Variants in RYR1 observed in about 807,000 individuals in gnomAD.
RYR1 encodes the protein central core disease of muscle.
Under a neutral mutation model 583.5 loss-of-function variants are expected in RYR1, and 342 were observed. The ratio of observed to expected loss-of-function variants is 0.59; its 90% CI spans 0.54 to 0.64. The LOEUF (loss-of-function observed/expected upper bound fraction) is 0.64, where lower values mean the gene tolerates loss of function less well. RYR1 is among the 30% of genes least tolerant of loss of function. RYR1 has a pLI of 0.00. For synonymous variants in RYR1, 2,791 were observed against 2,822.5 expected (o/e 0.99, Z 0.35); for missense variants, 6,032 against 6,917.2 (o/e 0.87, Z 4.54).
rs200766617 is a variant in RYR1 at position 38,575,957 on chromosome 19, G to T, written c.14168G>T (p.Arg4723Leu). Residue 4723 changes from arginine to leucine, a missense_variant, in exon 97 of 106, where the codon CGC becomes CTC. Physicochemically the swap from Arg to Leu is moderately radical, Grantham distance 102. Coordinates refer to ENST00000359596, the MANE Select transcript of RYR1 (RefSeq NM_000540.3). The stretch of plus-strand genomic sequence containing the variant: ...AACTACTGGGACAAGTTTGTCAAGC[G>T]CAAGGTGAGAGGACATGGATGCCCT... ...PSNYWDKFVK[R>L]KVLDKHGDIY... 6.2e-7 allele frequency: 1 copy of T among 1,614,172 alleles called. No homozygotes were observed. The highest frequency in any genetic ancestry group is 8.5e-7 in the Non-Finnish European group (1 of 1,180,032).
At chr19:38,511,989 A>G (rs752322669) in intron 61 of RYR1, 83 bp from the exon 62 acceptor site, 4 of 1,475,136 alleles carry the variant, frequency 2.7e-6, no homozygotes, top group East Asian at 2.4e-5. Context: ...TCAGGAAGAG[A>G]GCGGTTGGGG....
At chr19:38,457,439 T>C in intron 16 of RYR1, 58 bp from the exon 17 acceptor site, 1 of 1,613,738 alleles carries the variant, frequency 6.2e-7, no homozygotes, top group Middle Eastern at 1.7e-4. Context: ...CCCAGGGTTC[T>C]TCTGTAGATC....
rs146407332 is a variant in RYR1, at chr19:38,583,056, G to A, written c.14647-1887G>A. Among the ~76,000 whole-genome samples, 417 of 152,242 alleles carry A rather than the reference G, an allele frequency of 2.7e-3. 4 individuals carry two copies. The highest frequency in any genetic ancestry group is 0.01 in the Middle Eastern group (3 of 294). The stretch of plus-strand genomic sequence containing the variant: ...TCACGCTTTTAATCCCAGCATTTTG[G>A]GAGGCCAAGGCAGGTGGATCATCTG... On this transcript the variant is annotated intron_variant, in intron 101 of 105. Transcript: ENST00000359596.
intron 31 of RYR1, 70 bp downstream of exon 31, chr19:38,478,670 T>C: frequency 1.3e-6 from 2 of 1,565,224 alleles, no homozygotes; most frequent in African/African-American, 1.3e-5. Flanking sequence ...CTTATAGATG[T>C]CCCCTGAGGC....
rs571423946 is a variant in RYR1 at position 38,459,223 on chromosome 19, C to G, written c.2245C>G (p.Leu749Val). The G allele has an allele frequency of 2.5e-5, 40 of 1,614,172 alleles. No individual in the cohort carries two copies. The East Asian group carries it at 8.2e-4, about 33-fold the overall frequency. The change falls in exon 19 of 106, where the codon CTC becomes GTC. Residue 749 changes from leucine (L) to valine (V), a missense_variant. Transcript: ENST00000359596. ...PEDVISCCLD[L>V]SVPSISFRIN... is the part of the protein sequence containing the mutation. ...AGACGTGATCAGCTGCTGCCTGGACCTCAGCGTGCCGTCCATCTCCTTCCG... is the reference window on the plus strand; with the variant it reads ...AGACGTGATCAGCTGCTGCCTGGACGTCAGCGTGCCGTCCATCTCCTTCCG...
At chr19:38,547,430 G>A (rs1972482269) in intron 88 of RYR1, among the ~76,000 whole-genome samples, 1 of 152,026 alleles carries the variant, frequency 6.6e-6, no homozygotes, top group South Asian at 2.1e-4. Flanking sequence ...TGGGATCGCA[G>A]TTTGCCAATC....
At chr19:38,537,637 C>T (rs998646965) in intron 83 of RYR1, among the ~76,000 whole-genome samples, 4 of 152,170 alleles carry the variant, frequency 2.6e-5, no homozygotes, top group Non-Finnish European at 5.9e-5. Context: ...CACTTGAGGC[C>T]CCAGCTTCAT....
At position 38,504,836 on chromosome 19, in the gene RYR1, A is replaced by T. The variant is rs1555785252; in HGVS notation, c.8156A>T (p.Tyr2719Phe). The change falls in exon 51 of 106, where the codon TAC becomes TTC. Residue 2719 changes from tyrosine to phenylalanine, a missense_variant. Physicochemically the swap from Tyr to Phe is conservative, Grantham distance 22. Around this residue, in one of 11 missense-constraint regions of RYR1, gnomAD observed 1,493 missense variants for 1,715.5 expected, o/e 0.87. Coordinates refer to ENST00000359596, the MANE Select transcript of RYR1 (RefSeq NM_000540.3). ...ALPPDYVDAS[Y>F]SSKAEKKATV... The stretch of plus-strand genomic sequence containing the variant: ...CCCCCCGACTATGTGGATGCCTCAT[A>T]CTCATCTAAGGCAGAGAAAAAGGCC... The T allele has an allele frequency of 1.2e-6, 2 of 1,613,988 alleles. No homozygotes were observed. Among genetic ancestry groups the T allele is most frequent in the Middle Eastern group, 1.6e-4 (1 of 6,062 alleles).
In RYR1 at chr19:38,502,760, G is replaced by A. The variant is rs1568506117; in HGVS notation, c.7835+33G>A. 11 of 615,894 alleles carry A rather than the reference G, an allele frequency of 1.8e-5. 1 individual carries two copies. The highest frequency in any genetic ancestry group is 1.3e-4 in the Admixed American group (4 of 30,938). The allele number at this position is 615,894 out of a possible 1,614,324, so 38.2% of individuals were successfully genotyped here. ...GGGGCAGGCTTCAGGGTGGGGCAGG[G>A]GCAGGGGCAGGGGCAGGGGCAGGGG... On this transcript the variant is annotated intron_variant, in intron 48 of 105. Coordinates refer to ENST00000359596, the MANE Select transcript of RYR1 (RefSeq NM_000540.3).
Position 38,496,813 on chromosome 19 carries a change from C to A in RYR1, c.6797-47C>A, listed in dbSNP as rs369312351. 1.3e-6 allele frequency: 2 copies of A among 1,553,098 alleles called. No individual in the cohort carries two copies. The highest frequency in any genetic ancestry group is 2.2e-5 in the East Asian group (1 of 44,562). The stretch of plus-strand genomic sequence containing the variant: ...GTCAGGGAGGGCTTCCCAGAGGAGG[C>A]GAGACAAGCAGGAGTGAGATGTTCT... On this transcript the variant is annotated intron_variant, in intron 41 of 105. Coordinates refer to ENST00000359596, the MANE Select transcript of RYR1 (RefSeq NM_000540.3). The surrounding 1 kb of genome is among the most constrained non-coding windows in gnomAD (Gnocchi z 4.8).
At chr19:38,477,395 A>G (rs1410378928) in intron 29 of RYR1, among the ~76,000 whole-genome samples, 2 of 152,222 alleles carry the variant, frequency 1.3e-5, no homozygotes, top group African/African-American at 4.8e-5. Context: ...CACCTTCCTC[A>G]GCTTCCCAAA....
rs73030980 is a variant in RYR1, at chr19:38,499,506, C to T, written c.7028-129C>T. ...GGGGCTGGCAGGGGCCTGGTGTTACCTCTGGAGGTGTTGGGTCCTGGAGCT... is the reference window on the plus strand; with the variant it reads ...GGGGCTGGCAGGGGCCTGGTGTTACTTCTGGAGGTGTTGGGTCCTGGAGCT... On this transcript the variant is annotated intron_variant, in intron 43 of 105. Transcript: ENST00000359596. This position sits in a 1 kb window ranked among gnomAD's most constrained non-coding sequence, Gnocchi z 7.3. The T allele has an allele frequency of 0.09, 101,913 of 1,130,236 alleles. 5,812 individuals carry two copies. Among genetic ancestry groups the T allele is most frequent in the South Asian group, 0.21 (14,953 of 71,906 alleles). The allele number at this position is 1,130,236 out of a possible 1,614,324, so 70.0% of individuals were successfully genotyped here.
chr19:38,573,260 G>A lies in RYR1; in HGVS notation c.14082G>A (p.Glu4694=), dbSNP rs1220061942. The part of the protein sequence containing the change: ...FDGLYITEQP[E]DDDVKGQWDR... ...GCCTGTACATCACGGAGCAGCCTGA[G>A]GACGATGACGTGAAGGGGCAGTGGG... The change falls in exon 96 of 106, where the codon GAG becomes GAA. Residue 4694 remains glutamate (E), a synonymous_variant. Coordinates refer to ENST00000359596, the MANE Select transcript of RYR1 (RefSeq NM_000540.3). 4.3e-6 allele frequency: 7 copies of A among 1,613,904 alleles called. No homozygotes were observed. The highest frequency in any genetic ancestry group is 5.9e-6 in the Non-Finnish European group (7 of 1,179,968).
intron 12 of RYR1, 47 bp downstream of exon 12, chr19:38,451,932 T>C: frequency 6.2e-7 from 1 of 1,613,492 alleles, no homozygotes; most frequent in African/African-American, 1.3e-5. Context: ...TGCTGTCCCA[T>C]GCTCCGGGCA....
intron 42 of RYR1, 122 bp from the exon 43 acceptor site, chr19:38,498,986 C>G: frequency 7.6e-7 from 1 of 1,319,666 alleles, no homozygotes. Flanking sequence ...GCTAATGGGC[C>G]GAGGGATCAG....
Position 38,502,908 on chromosome 19 carries a change from C to G in RYR1, c.7864C>G (p.Leu2622Val). 8.1e-6 allele frequency: 13 copies of G among 1,611,900 alleles called. No individual in the cohort carries two copies. Among genetic ancestry groups the G allele is most frequent in the South Asian group, 1.1e-5 (1 of 91,078 alleles). The change falls in exon 49 of 106, where the codon CTG becomes GTG. Residue 2622 changes from leucine (L) to valine (V), a missense_variant. Around this residue, in one of 11 missense-constraint regions of RYR1, gnomAD observed 250 missense variants for 162.3 expected, o/e 1.54. Coordinates refer to ENST00000359596, the MANE Select transcript of RYR1 (RefSeq NM_000540.3). ...CATCCGCCCGTCGATGCTGCAGCAC[C>G]TGTTGCGCCGCCTGGTGTTCGACGT... is the stretch of plus-strand genomic sequence containing the variant. ...RYIRPSMLQHLLRRLVFDVPI... is the reference protein window; with the variant it reads ...RYIRPSMLQHVLRRLVFDVPI...
chr19:38,521,438 C>T (rs990710763), intron 67 of RYR1, among the ~76,000 whole-genome samples: 1 of 151,240 alleles, frequency 6.6e-6, no homozygotes, highest in Non-Finnish European at 1.5e-5. Context: ...CTTTGGGTGG[C>T]CAAAGAGAGT....
intron 102 of RYR1, among the ~76,000 whole-genome samples, chr19:38,585,369 G>GATAGATATATATATATATATATATAT (rs1890244817): frequency 7.1e-6 from 1 of 141,066 alleles, no homozygotes; most frequent in African/African-American, 2.6e-5. Context: ...AAAGGCCTGA[G>GATAGATATATATATATATATATATAT]ATATATATAT....
intron 9 of RYR1, among the ~76,000 whole-genome samples, chr19:38,447,907 A>G (rs1973027276): frequency 6.6e-6 from 1 of 150,928 alleles, no homozygotes; most frequent in South Asian, 2.1e-4. Context: ...TCCTGTGGGA[A>G]AAGGAGGTTT....
Sources: allele counts gnomAD v4.1 joint callset (sites outside exome capture counted in the v4.1 genomes callset), GRCh38; gene constraint gnomAD v4.1.1; regional missense constraint gnomAD v4.1.1; non-coding constraint Gnocchi (gnomAD v3.1); transcripts MANE v1.5; gene names NCBI Gene and HGNC (gene_info 2026-07-23, HGNC 2026-07-21).